The following TEX13D variants were observed in gnomAD, a reference collection of about 807,000 sequenced individuals.
TEX13D encodes testis-expressed protein 13D.
For synonymous variants in TEX13D, 115 were observed against 104.5 expected (o/e 1.10, Z -0.61); for missense variants, 261 against 265.8 (o/e 0.98, Z 0.12).
In TEX13D at chrX:124,334,336, C is replaced by CTA. The variant is rs1268875789; in HGVS notation, c.1422_1423dup (p.Ser475IlefsTer187). ...TTGTCCTCCAGGGAGACAACAGGAG[C>CTA]TATAGCCAGGAAGGAAGCCCAGAGA... On this transcript the variant is annotated frameshift_variant, in exon 1 of 1. Transcript: ENST00000632372. LOFTEE classifies it low-confidence loss of function (END_TRUNC). 1 of 407,992 alleles carries CTA rather than the reference C, an allele frequency of 2.5e-6. No individual in the cohort carries two copies. The highest frequency in any genetic ancestry group is 3.4e-6 in the Non-Finnish European group (1 of 297,551). The allele number at this position is 407,992 out of a possible 1,213,427, so 33.6% of individuals were successfully genotyped here. A position where few individuals can be genotyped will look rare whatever the true frequency, so the allele number is the denominator to read the frequency against.
Position 124,333,938 on chromosome X carries a change from A to G in TEX13D, c.1021A>G (p.Thr341Ala), listed in dbSNP as rs982148836. Residue 341 changes from threonine to alanine, a missense_variant, in exon 1 of 1, where the codon ACA (threonine) becomes GCA (alanine). By Grantham distance (58) the Thr-to-Ala change is moderately conservative. Coordinates refer to ENST00000632372, the MANE Select transcript of TEX13D (RefSeq NM_001355534.2). ...CCCGCTGTCAGAGAGTCCCCAGGGG[A>G]CAGCCCCACTGGGGAGCAGCGGATG... Reference protein sequence around the residue: ...HNPLSESPQGTAPLGSSGCHS... With the variant: ...HNPLSESPQGAAPLGSSGCHS... 4 of 649,517 alleles carry G rather than the reference A, an allele frequency of 6.2e-6. No homozygotes were observed. The African/African-American group carries it at 9.4e-5, about 15-fold the overall frequency. The allele number at this position is 649,517 out of a possible 1,213,427, so 53.5% of individuals were successfully genotyped here.
chrX:124,334,141 C>T lies in TEX13D; in HGVS notation c.1224C>T (p.Asp408=), dbSNP rs1009199655. ...CCCAGGGGACGGTCCCCCAGGGAGA[C>T]AGCAGAAGCTACAGCCAGGAAGGAT... ...EGPQGTVPQG[D]SRSYSQEGCS... Residue 408 remains aspartate (D), a synonymous_variant, in exon 1 of 1, where the codon GAC becomes GAT. Transcript: ENST00000632372. 9.6e-6 allele frequency: 9 copies of T among 937,141 alleles called. No individual in the cohort carries two copies. Among genetic ancestry groups the T allele is most frequent in the Non-Finnish European group, 1.2e-5 (9 of 755,861 alleles). 77.2% of individuals were successfully genotyped at this position (937,141 alleles called of 1,213,427 possible). A position where few individuals can be genotyped will look rare whatever the true frequency, so the allele number is the denominator to read the frequency against.
Position 124,335,627 on chromosome X carries a change from T to C in TEX13D, c.*565T>C, listed in dbSNP as rs962279238. The C allele has an allele frequency of 1.8e-5, 2 of 112,701 alleles. No individual in the cohort carries two copies. Among genetic ancestry groups the C allele is most frequent in the South Asian group, 7.2e-4 (2 of 2,762 alleles). The allele number at this position is 112,701 out of a possible 1,213,427, so 9.3% of individuals were successfully genotyped here. On this transcript the variant is annotated 3_prime_UTR_variant, in exon 1 of 1. Transcript: ENST00000632372. ...CCTTTTGAAACTACTGCAATCTTCA[T>C]GTTTTCTTCATTTTGCTTTGTTGGT...
chrX:124,333,195 T>A lies in TEX13D; in HGVS notation c.278T>A (p.Leu93Gln). The A allele has an allele frequency of 2.1e-5, 10 of 469,218 alleles. No individual in the cohort carries two copies. The Middle Eastern group carries it at 3.1e-3, about 146-fold the overall frequency. 38.7% of individuals were successfully genotyped at this position (469,218 alleles called of 1,213,427 possible). Reference protein sequence around the residue: ...REELLHHVRRLQRHAEERQAT... With the variant: ...REELLHHVRRQQRHAEERQAT... ...GAGCTGCTGCACCACGTTCGGCGGC[T>A]GCAAAGGCATGCGGAGGAGCGCCAG... The change falls in exon 1 of 1, where the codon CTG becomes CAG. Residue 93 changes from leucine (L) to glutamine (Q), a missense_variant. By Grantham distance (113) the Leu-to-Gln change is moderately radical. Coordinates refer to ENST00000632372, the MANE Select transcript of TEX13D (RefSeq NM_001355534.2).
chrX:124,332,993 C>T lies in TEX13D; in HGVS notation c.76C>T (p.Leu26Phe). Residue 26 changes from leucine to phenylalanine, a missense_variant, in exon 1 of 1, where the codon CTC becomes TTC. Transcript: ENST00000632372. ...DVIRFINNEV[L>F]MDGSGPAFYV... is the part of the protein sequence containing the mutation. ...GATCAGGTTCATTAACAATGAAGTC[C>T]TCATGGACGGCAGCGGCCCAGCCTT... 1 of 466,188 alleles carries T rather than the reference C, an allele frequency of 2.1e-6. No homozygotes were observed. Among genetic ancestry groups the T allele is most frequent in the South Asian group, 3.1e-5 (1 of 32,151 alleles). The allele number at this position is 466,188 out of a possible 1,213,427, so 38.4% of individuals were successfully genotyped here. A position where few individuals can be genotyped will look rare whatever the true frequency, so the allele number is the denominator to read the frequency against.
Position 124,333,096 on chromosome X carries a change from C to G in TEX13D, c.179C>G (p.Pro60Arg). 2.2e-6 allele frequency: 1 copy of G among 453,972 alleles called. No homozygotes were observed. Among genetic ancestry groups the G allele is most frequent in the Non-Finnish European group, 3.9e-6 (1 of 258,412 alleles). The allele number at this position is 453,972 out of a possible 1,213,427, so 37.4% of individuals were successfully genotyped here. The change falls in exon 1 of 1, where the codon CCG becomes CGG. Residue 60 changes from proline (P) to arginine (R), a missense_variant. Coordinates refer to ENST00000632372, the MANE Select transcript of TEX13D (RefSeq NM_001355534.2). ...LQAIVADSQV[P>R]RAIKRACTWS... The stretch of plus-strand genomic sequence containing the variant: ...GCCATTGTGGCCGACTCTCAGGTGC[C>G]GCGCGCCATCAAGAGGGCCTGTACC...
rs2059972131 is a variant in TEX13D, at chrX:124,335,703, T to C, written c.*641T>C. The C allele has an allele frequency of 8.9e-6, 1 of 112,414 alleles. No homozygotes were observed. Among genetic ancestry groups the C allele is most frequent in the Admixed American group, 9.4e-5 (1 of 10,591 alleles). The allele number at this position is 112,414 out of a possible 1,213,427, so 9.3% of individuals were successfully genotyped here. A position where few individuals can be genotyped will look rare whatever the true frequency, so the allele number is the denominator to read the frequency against. On this transcript the variant is annotated 3_prime_UTR_variant, in exon 1 of 1. Coordinates refer to ENST00000632372, the MANE Select transcript of TEX13D (RefSeq NM_001355534.2). ...ATCTCAGCCCCACCAAACTTGCTTGTTGCTGAAGAAGCTGAACCTGTTCCA... is the reference window on the plus strand; with the variant it reads ...ATCTCAGCCCCACCAAACTTGCTTGCTGCTGAAGAAGCTGAACCTGTTCCA...
rs188156834 is a variant in TEX13D at position 124,335,583 on chromosome X, C to G, written c.*521C>G. 8.9e-6 allele frequency: 1 copy of G among 112,619 alleles called. No individual in the cohort carries two copies. The highest frequency in any genetic ancestry group is 2.8e-4 in the East Asian group (1 of 3,610). 9.3% of individuals were successfully genotyped at this position (112,619 alleles called of 1,213,427 possible). ...AACAAATTTTAGAATCACCACACTT[C>G]CTTGAAAATGCTATTATTCCTTTTG... is the stretch of plus-strand genomic sequence containing the variant. On this transcript the variant is annotated 3_prime_UTR_variant, in exon 1 of 1. Coordinates refer to ENST00000632372, the MANE Select transcript of TEX13D (RefSeq NM_001355534.2).
chrX:124,334,863 A>C lies in TEX13D; in HGVS notation c.1946A>C (p.Gln649Pro). The C allele has an allele frequency of 1.1e-6, 1 of 939,233 alleles. No homozygotes were observed. The highest frequency in any genetic ancestry group is 4.1e-5 in the East Asian group (1 of 24,122). The allele number at this position is 939,233 out of a possible 1,213,427, so 77.4% of individuals were successfully genotyped here. A position where few individuals can be genotyped will look rare whatever the true frequency, so the allele number is the denominator to read the frequency against. The part of the protein sequence containing the change: ...HGVRESPKKW[Q>P]PQRQKAKKPK... ...GTCAGAGAAAGCCCAAAGAAATGGC[A>C]ACCTCAGAGGCAGAAGGCCAAGAAA... Residue 649 changes from glutamine to proline, a missense_variant, in exon 1 of 1, where the codon CAA (glutamine) becomes CCA (proline). Physicochemically the swap from Gln to Pro is moderately conservative, Grantham distance 76. Transcript: ENST00000632372.
rs2059971412 is a variant in TEX13D, at chrX:124,335,220, T to G, written c.*158T>G. ...ATAATTTATTATCCCATTACCCAAA[T>G]TAGCCATTTTAAAAGTTGTTTTGGA... On this transcript the variant is annotated 3_prime_UTR_variant, in exon 1 of 1. Coordinates refer to ENST00000632372, the MANE Select transcript of TEX13D (RefSeq NM_001355534.2). The G allele has an allele frequency of 1.7e-5, 6 of 362,163 alleles. 1 individual carries two copies. The East Asian group carries it at 2.9e-4, about 18-fold the overall frequency. The allele number at this position is 362,163 out of a possible 1,213,427, so 29.8% of individuals were successfully genotyped here.
chrX:124,333,452 G>T lies in TEX13D; in HGVS notation c.535G>T (p.Ala179Ser), dbSNP rs1023420109. The change falls in exon 1 of 1, where the codon GCT (alanine) becomes TCT (serine). Residue 179 changes from alanine to serine, a missense_variant. Ala to Ser is a moderately conservative substitution (Grantham distance 99). Coordinates refer to ENST00000632372, the MANE Select transcript of TEX13D (RefSeq NM_001355534.2). ...GAATGGGGCTGCGGCATGTCCCCTG[G>T]CTACAGAGCAGCAGAGCGATATGGT... ...EQNGAAACPL[A>S]TEQQSDMVAM... 2.2e-5 allele frequency: 7 copies of T among 318,926 alleles called. No individual in the cohort carries two copies. In the Admixed American group the frequency reaches 3.0e-4, roughly 14 times the overall value. The allele number at this position is 318,926 out of a possible 1,213,427, so 26.3% of individuals were successfully genotyped here. A position where few individuals can be genotyped will look rare whatever the true frequency, so the allele number is the denominator to read the frequency against.
chrX:124,333,562 G>A lies in TEX13D; in HGVS notation c.645G>A (p.Gln215=), dbSNP rs1186386135. The A allele has an allele frequency of 3.4e-6, 1 of 297,361 alleles. No homozygotes were observed. Among genetic ancestry groups the A allele is most frequent in the Non-Finnish European group, 5.8e-6 (1 of 171,372 alleles). 24.5% of individuals were successfully genotyped at this position (297,361 alleles called of 1,213,427 possible). Residue 215 remains glutamine (Q), a synonymous_variant, in exon 1 of 1, where the codon CAG becomes CAA. Coordinates refer to ENST00000632372, the MANE Select transcript of TEX13D (RefSeq NM_001355534.2). ...CAGGACCTCTGAGTCCCTGGGCCCAGGGCATGCAACCCCCTCTGCCAGTGC... is the reference window on the plus strand; with the variant it reads ...CAGGACCTCTGAGTCCCTGGGCCCAAGGCATGCAACCCCCTCTGCCAGTGC... ...YVPGPLSPWA[Q]GMQPPLPVPH...
Position 124,334,058 on chromosome X carries a change from C to T in TEX13D, c.1141C>T (p.Arg381Trp), listed in dbSNP as rs1310385278. The change falls in exon 1 of 1, where the codon CGG becomes TGG. Residue 381 changes from arginine (R) to tryptophan (W), a missense_variant. Physicochemically the swap from Arg to Trp is moderately radical, Grantham distance 101 (BLOSUM62 -3). Transcript: ENST00000632372. The stretch of plus-strand genomic sequence containing the variant: ...TCAGAAAGAAGGTCCAAAGAGGGCC[C>T]GGAGGATGCACACCCTGGTGTTTCG... Reference protein sequence around the residue: ...QNQKEGPKRARRMHTLVFRRS... With the variant: ...QNQKEGPKRAWRMHTLVFRRS... The T allele has an allele frequency of 1.5e-5, 14 of 933,936 alleles. No individual in the cohort carries two copies. The highest frequency in any genetic ancestry group is 1.2e-4 in the South Asian group (2 of 16,696). The allele number at this position is 933,936 out of a possible 1,213,427, so 77.0% of individuals were successfully genotyped here. A position where few individuals can be genotyped will look rare whatever the true frequency, so the allele number is the denominator to read the frequency against.
rs1228293891 is a variant in TEX13D at position 124,333,222 on chromosome X, C to T, written c.305C>T (p.Ala102Val). ...CAAAGGCATGCGGAGGAGCGCCAGG[C>T]GACCTCCTGGGCTCTAACGTCCCAG... The part of the protein sequence containing the change: ...RLQRHAEERQ[A>V]TSWALTSQLQ... The change falls in exon 1 of 1, where the codon GCG becomes GTG. Residue 102 changes from alanine (A) to valine (V), a missense_variant. By Grantham distance (64) the Ala-to-Val change is moderately conservative (BLOSUM62 0). Transcript: ENST00000632372. 4 of 469,253 alleles carry T rather than the reference C, an allele frequency of 8.5e-6. No homozygotes were observed. The highest frequency in any genetic ancestry group is 7.7e-5 in the East Asian group (2 of 25,911). 38.7% of individuals were successfully genotyped at this position (469,253 alleles called of 1,213,427 possible).
At position 124,335,152 on chromosome X, in the gene TEX13D, C is replaced by A; in HGVS notation, c.*90C>A. On this transcript the variant is annotated 3_prime_UTR_variant, in exon 1 of 1. Coordinates refer to ENST00000632372, the MANE Select transcript of TEX13D (RefSeq NM_001355534.2). ...TGATTAAAGTATAACTTATTTACTT[C>A]ACAGAAAAATTGAACCCCAAATTAT... 1.5e-6 allele frequency: 1 copy of A among 673,781 alleles called. No homozygotes were observed. The highest frequency in any genetic ancestry group is 1.9e-6 in the Non-Finnish European group (1 of 515,308). The allele number at this position is 673,781 out of a possible 1,213,427, so 55.5% of individuals were successfully genotyped here.
Position 124,333,817 on chromosome X carries a change from G to T in TEX13D, c.900G>T (p.Gly300=), listed in dbSNP as rs2059967189. Residue 300 remains glycine, a synonymous_variant, in exon 1 of 1, where the codon GGG becomes GGT. Coordinates refer to ENST00000632372, the MANE Select transcript of TEX13D (RefSeq NM_001355534.2). ...IQEEDSKILQ[G]SFPLGDSRSH... Reference sequence around the variant, plus strand: ...AGGAAGATTCCAAAATCCTTCAGGGGTCATTCCCCTTAGGAGACAGCAGAA... The same window carrying T: ...AGGAAGATTCCAAAATCCTTCAGGGTTCATTCCCCTTAGGAGACAGCAGAA... 3.4e-6 allele frequency: 1 copy of T among 296,553 alleles called. No homozygotes were observed. The highest frequency in any genetic ancestry group is 5.8e-6 in the Non-Finnish European group (1 of 170,975). The allele number at this position is 296,553 out of a possible 1,213,427, so 24.4% of individuals were successfully genotyped here.
At position 124,334,762 on chromosome X, in the gene TEX13D, T is replaced by G. The variant is rs2059970075; in HGVS notation, c.1845T>G (p.Phe615Leu). Residue 615 changes from phenylalanine (F) to leucine (L), a missense_variant, in exon 1 of 1, where the codon TTT becomes TTG. Transcript: ENST00000632372. ...ERAQGMATLV[F>L]SRSCKPEEGP... Reference sequence around the variant, plus strand: ...CCCAGGGGATGGCCACCCTGGTGTTTAGCAGGAGCTGCAAACCAGAAGAAG... The same window carrying G: ...CCCAGGGGATGGCCACCCTGGTGTTGAGCAGGAGCTGCAAACCAGAAGAAG... The G allele has an allele frequency of 1.1e-6, 1 of 936,120 alleles. No homozygotes were observed. Among genetic ancestry groups the G allele is most frequent in the African/African-American group, 2.1e-5 (1 of 48,633 alleles). 77.1% of individuals were successfully genotyped at this position (936,120 alleles called of 1,213,427 possible).
In TEX13D at chrX:124,334,727, C is replaced by T. The variant is rs1366369425; in HGVS notation, c.1810C>T (p.Arg604Ter). The change falls in exon 1 of 1, where the codon CGA (arginine) becomes TGA (stop). Residue 604 changes from arginine to a stop codon, truncating the protein, a stop_gained. Transcript: ENST00000632372. LOFTEE classifies it low-confidence loss of function (END_TRUNC). ...CAGAAGCTATAGCCAGGAAGGAAGC[C>T]GAGAGAGGGCCCAGGGGATGGCCAC... ...DNRSYSQEGS[R>*]ERAQGMATLV... 11 of 929,448 alleles carry T rather than the reference C, an allele frequency of 1.2e-5. No individual in the cohort carries two copies. The highest frequency in any genetic ancestry group is 2.1e-5 in the African/African-American group (1 of 46,686). The allele number at this position is 929,448 out of a possible 1,213,427, so 76.6% of individuals were successfully genotyped here. A position where few individuals can be genotyped will look rare whatever the true frequency, so the allele number is the denominator to read the frequency against.
In TEX13D at chrX:124,336,628, T is replaced by A. The variant is rs748121548; in HGVS notation, c.*1566T>A. ...TAAAACTGGACAGGGGCGAGCACTCTTGGGAATGCCCCTGGACCCTTCCTC... is the reference window on the plus strand; with the variant it reads ...TAAAACTGGACAGGGGCGAGCACTCATGGGAATGCCCCTGGACCCTTCCTC... On this transcript the variant is annotated 3_prime_UTR_variant, in exon 1 of 1. Coordinates refer to ENST00000632372, the MANE Select transcript of TEX13D (RefSeq NM_001355534.2). 5 of 111,813 alleles carry A rather than the reference T, an allele frequency of 4.5e-5. No individual in the cohort carries two copies. Among genetic ancestry groups the A allele is most frequent in the African/African-American group, 9.8e-5 (3 of 30,696 alleles). 9.2% of individuals were successfully genotyped at this position (111,813 alleles called of 1,213,427 possible).
Sources: allele counts gnomAD v4.1 joint callset, GRCh38; gene constraint gnomAD v4.1.1; transcripts MANE v1.5; gene names NCBI Gene and HGNC (gene_info 2026-07-23, HGNC 2026-07-21).